The following GSE1 variants were observed in gnomAD, a reference collection of about 807,000 sequenced individuals.
The protein encoded by GSE1 is Gse1 coiled-coil protein.
In GSE1, 32 loss-of-function variants were observed where a neutral mutation model predicts 112.6. That is an observed-to-expected ratio of 0.28 (90% CI 0.21 to 0.38). The LOEUF (loss-of-function observed/expected upper bound fraction) is 0.38. Among genes scored for constraint, GSE1 ranks in the 10% least tolerant of loss-of-function variants. GSE1 has a pLI of 1.00. For missense variants in GSE1, 2,348 were observed against 1,699.2 expected (o/e 1.38, Z -6.71); for synonymous variants, 1,115 against 735.6 (o/e 1.52, Z -8.35).
rs148360091 is a variant in GSE1 at position 85,419,466 on chromosome 16, C to T, written c.2464+61823C>T. On this transcript the variant is annotated intron_variant, in intron 2 of 2. Transcript: ENST00000637419. This position sits in a 1 kb window ranked among gnomAD's most constrained non-coding sequence, Gnocchi z 6.5. ...TGTCTACGAACAAAAGTTAGCCAGG[C>T]GTGGTGGTGCACATCTGTGGTCCTA... is the stretch of plus-strand genomic sequence containing the variant. Among the ~76,000 whole-genome samples the T allele has an allele frequency of 1.3e-3, 205 of 152,006 alleles. 1 individual carries two copies. Among genetic ancestry groups the T allele is most frequent in the African/African-American group, 3.1e-3 (128 of 41,440 alleles).
upstream of GSE1, chr16:85,555,664 C>A (rs1178144266): frequency 7.9e-6 from 7 of 884,582 alleles, no homozygotes; most frequent in Admixed American, 6.7e-5. Flanking sequence ...CAAGAGATAC[C>A]CCCTCCCGCC....
At chr16:85,552,559 C>A (rs574646083), upstream of GSE1, among the ~76,000 whole-genome samples, 2 of 149,974 alleles carry the variant, frequency 1.3e-5, no homozygotes, top group Admixed American at 1.3e-4. Flanking sequence ...GTCTCGATCT[C>A]CTGACCTCGT....
At chr16:85,375,577 G>A (rs1225778861) in intron 2 of GSE1, among the ~76,000 whole-genome samples, 1 of 152,200 alleles carries the variant, frequency 6.6e-6, no homozygotes, top group Admixed American at 6.5e-5. Flanking sequence ...GGGCTTAAGC[G>A]GTGGGTTTGC....
At chr16:85,314,008 G>A (rs1157067076) in intron 1 of GSE1, among the ~76,000 whole-genome samples, 1 of 151,274 alleles carries the variant, frequency 6.6e-6, no homozygotes, top group South Asian at 2.1e-4. Context: ...GTGTGATACA[G>A]CCTAGTGTGT....
chr16:85,385,732 T>C (rs2047673767), intron 2 of GSE1, among the ~76,000 whole-genome samples: 1 of 152,222 alleles, frequency 6.6e-6, no homozygotes, highest in South Asian at 2.1e-4. Context: ...CCATCCATCC[T>C]GGAGCCCTTC....
chr16:85,263,094 G>T (rs1162943561), intron 1 of GSE1, among the ~76,000 whole-genome samples: 1 of 151,942 alleles, frequency 6.6e-6, no homozygotes, highest in Non-Finnish European at 1.5e-5. Flanking sequence ...GCTAATTAGC[G>T]ACGCGTAGTG....
chr16:85,554,849 G>A (rs537416385), upstream of GSE1: 27 of 984,334 alleles, frequency 2.7e-5, no homozygotes, highest in South Asian at 1.1e-3. Context: ...GCCGGAGGGG[G>A]GGCCAGCGGC....
intron 1 of GSE1, among the ~76,000 whole-genome samples, chr16:85,566,267 G>C (rs1161659769): frequency 6.6e-6 from 1 of 152,252 alleles, no homozygotes; most frequent in Non-Finnish European, 1.5e-5. Flanking sequence ...GTCACTCCTG[G>C]TGGAGGCAGT....
At chr16:85,671,167 C>T (rs924372809) in intron 15 of GSE1, 69 bp downstream of exon 15, 1 of 900,486 alleles carries the variant, frequency 1.1e-6, no homozygotes, top group African/African-American at 1.7e-5. Context: ...AACACCCATG[C>T]AGATAAGTTT....
intron 1 of GSE1, among the ~76,000 whole-genome samples, chr16:85,268,725 G>A (rs1908517954): frequency 6.6e-6 from 1 of 152,188 alleles, no homozygotes; most frequent in Non-Finnish European, 1.5e-5. Flanking sequence ...CAGGAGGGGT[G>A]CAGCTGTCCA....
intron 1 of GSE1, among the ~76,000 whole-genome samples, chr16:85,184,272 C>T (rs1597741108): frequency 6.6e-6 from 1 of 152,346 alleles, no homozygotes; most frequent in African/African-American, 2.4e-5. Context: ...GAACCAATGC[C>T]TGTGGCTCCC....
chr16:85,319,292 C>T (rs371205627), intron 1 of GSE1, among the ~76,000 whole-genome samples: 35 of 152,210 alleles, frequency 2.3e-4, no homozygotes, highest in African/African-American at 8.4e-4. Flanking sequence ...GGTGCCAGGG[C>T]ACTGGGTGGG....
chr16:85,555,443 C>T (rs1598163570), upstream of GSE1: 1 of 983,790 alleles, frequency 1.0e-6, no homozygotes, highest in Non-Finnish European at 1.2e-6. Context: ...GCCGGCTCCC[C>T]AGCCTGCTTT....
intron 2 of GSE1, among the ~76,000 whole-genome samples, chr16:85,487,778 A>G (rs1203601346): frequency 6.6e-6 from 1 of 152,206 alleles, no homozygotes; most frequent in African/African-American, 2.4e-5. Flanking sequence ...GCCACTGCTC[A>G]TTCTGGAATG....
intron 8 of GSE1, among the ~76,000 whole-genome samples, chr16:85,660,121 A>G (rs954298987): frequency 5.9e-5 from 9 of 152,206 alleles, no homozygotes; most frequent in African/African-American, 1.9e-4. Flanking sequence ...AAGGCACAGC[A>G]GGAGGAGAGG....
chr16:85,667,824 C>T (rs1479335949), intron 13 of GSE1, among the ~76,000 whole-genome samples: 3 of 152,174 alleles, frequency 2.0e-5, no homozygotes, highest in Non-Finnish European at 2.9e-5. Context: ...CGCCATTTCT[C>T]TCCAGCCTGC....
intron 1 of GSE1, among the ~76,000 whole-genome samples, chr16:85,335,846 C>T (rs1016927213): frequency 6.7e-5 from 6 of 89,416 alleles, no homozygotes; most frequent in Non-Finnish European, 1.3e-4. Flanking sequence ...GGGAGCAGGG[C>T]GGGACACCCT....
intron 2 of GSE1, among the ~76,000 whole-genome samples, chr16:85,499,251 G>A (rs528815232): frequency 6.6e-5 from 10 of 150,628 alleles, no homozygotes; most frequent in Admixed American, 5.9e-4. Flanking sequence ...GGGCATCAGC[G>A]AGAGGGCGCC....
At chr16:85,655,661 TGTCGACAGGGCTGG>T in intron 5 of GSE1, 51 bp from the exon 6 acceptor site, 1 of 1,098,838 alleles carries the variant, frequency 9.1e-7, no homozygotes, top group Non-Finnish European at 1.3e-6. Context: ...GAGACACACC[TGTCGACAGGGCTGG>T]GTCTTCCCCT....
Sources: allele counts gnomAD v4.1 joint callset (sites outside exome capture counted in the v4.1 genomes callset), GRCh38; gene constraint gnomAD v4.1.1; non-coding constraint Gnocchi (gnomAD v3.1); transcripts MANE v1.5; gene names NCBI Gene and HGNC (gene_info 2026-07-23, HGNC 2026-07-21).